CEP83: variants seen among roughly 807,000 people sequenced by gnomAD.
CEP83 encodes the protein centrosomal protein of 83 kDa.
Under a neutral mutation model 101.9 loss-of-function variants are expected in CEP83, and 70 were observed. The ratio of observed to expected loss-of-function variants is 0.69; its 90% CI spans 0.57 to 0.84. The LOEUF (loss-of-function observed/expected upper bound fraction) is 0.84, where lower values mean the gene tolerates loss of function less well. CEP83 is among the 40% of genes least tolerant of loss of function. The pLI, the probability that CEP83 is intolerant of heterozygous loss-of-function variation, is 0.00. For missense variants in CEP83, 715 were observed against 787.2 expected (o/e 0.91, Z 1.10); for synonymous variants, 264 against 267.9 (o/e 0.99, Z 0.14).
At chr12:94,375,264 C>T (rs1436804807) in intron 8 of CEP83, among the ~76,000 whole-genome samples, 1 of 152,072 alleles carries the variant, frequency 6.6e-6, no homozygotes, top group Non-Finnish European at 1.5e-5. Context: ...TGCTGTTTTA[C>T]AATGTGAAGA....
At chr12:94,321,858 C>T (rs1223296924) in intron 14 of CEP83, among the ~76,000 whole-genome samples, 1 of 151,898 alleles carries the variant, frequency 6.6e-6, no homozygotes, top group African/African-American at 2.4e-5. Context: ...AGGACGTGCT[C>T]AGTGAGGAGA....
chr12:94,319,442 C>T (rs565072946), intron 14 of CEP83, among the ~76,000 whole-genome samples: 11 of 151,984 alleles, frequency 7.2e-5, no homozygotes, highest in Non-Finnish European at 1.2e-4. Context: ...TCTCTTGGTC[C>T]TCTCATTGTT....
chr12:94,455,384 C>T (rs1206433073), intron 1 of CEP83, among the ~76,000 whole-genome samples: 2 of 152,292 alleles, frequency 1.3e-5, no homozygotes, highest in East Asian at 3.9e-4. Flanking sequence ...CTATATTATA[C>T]TGCAATTGTG....
the CEP83 span, chr12:94,279,542 A>G: frequency 2.5e-5 from 41 of 1,614,102 alleles, no homozygotes; most frequent in Admixed American, 6.2e-4. Flanking sequence ...ATTTCAGTCA[A>G]TGTTCTCGAC....
chr12:94,443,535 C>G (rs1167957926), intron 1 of CEP83, among the ~76,000 whole-genome samples: 2 of 152,094 alleles, frequency 1.3e-5, no homozygotes, highest in African/African-American at 4.8e-5. Flanking sequence ...CCCTGTCACC[C>G]AGGCTAGAGT....
At chr12:94,283,899 C>T in the CEP83 span, among the ~76,000 whole-genome samples, 2 of 152,106 alleles carry the variant, frequency 1.3e-5, no homozygotes, top group Non-Finnish European at 2.9e-5. Flanking sequence ...GCCTGGCCAA[C>T]ACGGTAAAAC....
At chr12:94,431,219 G>A (rs2065596745) in intron 2 of CEP83, among the ~76,000 whole-genome samples, 1 of 152,162 alleles carries the variant, frequency 6.6e-6, no homozygotes, top group African/African-American at 2.4e-5. Context: ...AATAAATGGT[G>A]CTGGGAAAAC....
intron 15 of CEP83, among the ~76,000 whole-genome samples, chr12:94,311,555 G>C (rs1167540565): frequency 2.0e-5 from 3 of 152,140 alleles, no homozygotes; most frequent in Non-Finnish European, 4.4e-5. Flanking sequence ...TGAATTACAG[G>C]ACACCTAGCT....
chr12:94,343,912 T>G (rs2059818295), intron 11 of CEP83, among the ~76,000 whole-genome samples: 1 of 152,148 alleles, frequency 6.6e-6, no homozygotes, highest in African/African-American at 2.4e-5. Context: ...AAGAGACAAT[T>G]AAGGTTAAAG....
At chr12:94,294,669 G>A in the CEP83 span, 1 of 571,754 alleles carries the variant, frequency 1.7e-6, no homozygotes, top group Non-Finnish European at 3.3e-6. Flanking sequence ...TGAAAGTTGA[G>A]AAAAGTCATT....
chr12:94,327,387 C>T (rs553803726), intron 14 of CEP83, among the ~76,000 whole-genome samples: 2 of 152,294 alleles, frequency 1.3e-5, no homozygotes, highest in Non-Finnish European at 2.9e-5. Context: ...CTGTTCACCA[C>T]CACACCTAGC....
At chr12:94,448,139 C>G (rs2066944725) in intron 1 of CEP83, among the ~76,000 whole-genome samples, 1 of 151,606 alleles carries the variant, frequency 6.6e-6, no homozygotes, top group Non-Finnish European at 1.5e-5. Flanking sequence ...ACCATAGAAA[C>G]AGTAACCACA....
chr12:94,453,825 G>T (rs887177277), intron 1 of CEP83, among the ~76,000 whole-genome samples: 1 of 152,156 alleles, frequency 6.6e-6, no homozygotes, highest in Non-Finnish European at 1.5e-5. Context: ...TAGGCCGGGC[G>T]CAGTGGCTCA....
intron 7 of CEP83, 85 bp downstream of exon 7, chr12:94,378,706 C>CA: frequency 7.0e-7 from 1 of 1,433,184 alleles, no homozygotes; most frequent in Non-Finnish European, 9.6e-7. Context: ...GGGGGGCATA[C>CA]ATTTATGCTC....
chr12:94,289,540 C>T, the CEP83 span, among the ~76,000 whole-genome samples: 16 of 152,244 alleles, frequency 1.1e-4, no homozygotes, highest in East Asian at 1.2e-3. Context: ...GCCCAGAGGA[C>T]GCTCCCTGCC....
intron 7 of CEP83, among the ~76,000 whole-genome samples, chr12:94,376,297 G>A (rs898285899): frequency 7.2e-5 from 11 of 152,002 alleles, no homozygotes; most frequent in African/African-American, 2.7e-4. Flanking sequence ...AAGTACCTAA[G>A]GCATTCATTT....
intron 14 of CEP83, among the ~76,000 whole-genome samples, chr12:94,314,046 T>C (rs1426932648): frequency 6.6e-6 from 1 of 152,206 alleles, no homozygotes; most frequent in Admixed American, 6.5e-5. Context: ...AAATCTTGTA[T>C]GGTTTCATTA....
At chr12:94,334,052 TAA>T (rs199716275) in intron 12 of CEP83, among the ~76,000 whole-genome samples, 8 of 147,458 alleles carry the variant, frequency 5.4e-5, no homozygotes, top group African/African-American at 1.7e-4. Flanking sequence ...GGAAAGCAGC[TAA>T]AAAAAAAAAT....
chr12:94,270,578 C>T, the CEP83 span, among the ~76,000 whole-genome samples: 1 of 152,114 alleles, frequency 6.6e-6, no homozygotes, highest in Non-Finnish European at 1.5e-5. Flanking sequence ...TTTGCCAACA[C>T]ACAACACCCA....
Sources: allele counts gnomAD v4.1 joint callset (sites outside exome capture counted in the v4.1 genomes callset), GRCh38; gene constraint gnomAD v4.1.1; transcripts MANE v1.5; gene names NCBI Gene and HGNC (gene_info 2026-07-23, HGNC 2026-07-21).